Variants in DOCK3 observed in about 807,000 individuals in gnomAD.
DOCK3 encodes the protein dedicator of cytokinesis protein 3.
In DOCK3, 60 loss-of-function variants were observed where a neutral mutation model predicts 265.6. The ratio of observed to expected loss-of-function variants is 0.23; its 90% CI spans 0.18 to 0.28. DOCK3 has a LOEUF of 0.28. DOCK3 is among the 10% of genes least tolerant of loss of function. The pLI, the probability that DOCK3 is intolerant of heterozygous loss-of-function variation, is 1.00. For missense variants in DOCK3, 1,981 were observed against 2,594.3 expected (o/e 0.76, Z 5.14); for synonymous variants, 881 against 938.0 (o/e 0.94, Z 1.11).
chr3:51,266,383 C>A (rs1365087614), intron 23 of DOCK3, among the ~76,000 whole-genome samples: 1 of 152,120 alleles, frequency 6.6e-6, no homozygotes, highest in African/African-American at 2.4e-5. Context: ...CAATCCTAAG[C>A]CAAAGGAACA....
chr3:51,063,449 A>G (rs973031070), intron 5 of DOCK3, among the ~76,000 whole-genome samples: 2 of 152,196 alleles, frequency 1.3e-5, no homozygotes, highest in African/African-American at 4.8e-5. Flanking sequence ...TCAAAACACT[A>G]CCTGATTCTA....
intron 23 of DOCK3, 39 bp from the exon 24 acceptor site, chr3:51,270,776 C>T: frequency 6.3e-7 from 1 of 1,583,816 alleles, no homozygotes; most frequent in South Asian, 1.2e-5. Flanking sequence ...GACACACACC[C>T]TAACTCTGTG....
intron 1 of DOCK3, among the ~76,000 whole-genome samples, chr3:50,713,719 G>A (rs1183984314): frequency 4.0e-5 from 6 of 150,950 alleles, no homozygotes; most frequent in Admixed American, 3.3e-4. Context: ...ACTAGATTTC[G>A]CCATTTGGAT....
intron 26 of DOCK3, among the ~76,000 whole-genome samples, chr3:51,278,824 G>A (rs1327213484): frequency 6.6e-6 from 1 of 152,084 alleles, no homozygotes; most frequent in Non-Finnish European, 1.5e-5. Flanking sequence ...TTTACATAAT[G>A]GACTTTATTC....
At chr3:51,347,074 T>C (rs2085633763) in intron 38 of DOCK3, among the ~76,000 whole-genome samples, 1 of 152,238 alleles carries the variant, frequency 6.6e-6, no homozygotes, top group Admixed American at 6.5e-5. Context: ...AAAAATATTC[T>C]CCCATTCTGT....
intron 1 of DOCK3, among the ~76,000 whole-genome samples, chr3:50,752,737 C>T (rs139444763): frequency 2.3e-4 from 35 of 152,228 alleles, no homozygotes; most frequent in Admixed American, 4.6e-4. Flanking sequence ...GAGATCGCAC[C>T]ACTACACTCC....
intron 2 of DOCK3, among the ~76,000 whole-genome samples, chr3:50,788,868 G>GC (rs556430081): frequency 1.8e-4 from 28 of 152,344 alleles, no homozygotes; most frequent in African/African-American, 5.8e-4. Context: ...GCGCGTGCCC[G>GC]CCCCGTCCCC....
Position 51,216,104 on chromosome 3 carries a change from A to G in DOCK3, c.1252+1857A>G, listed in dbSNP as rs1306269445. Among the ~76,000 whole-genome samples the G allele has an allele frequency of 2.6e-5, 4 of 152,334 alleles. No homozygotes were observed. The South Asian group carries it at 6.2e-4, about 24-fold the overall frequency. Reference sequence around the variant, plus strand: ...GGAGTATATTCCAAGGGATATACTTAAAGTCCTTCCTTTCTCTTGAGAACT... The same window carrying G: ...GGAGTATATTCCAAGGGATATACTTGAAGTCCTTCCTTTCTCTTGAGAACT... On this transcript the variant is annotated intron_variant, in intron 14 of 52. Coordinates refer to ENST00000266037, the MANE Select transcript of DOCK3 (RefSeq NM_004947.5).
intron 48 of DOCK3, 80 bp downstream of exon 48, chr3:51,362,077 G>A: frequency 2.0e-6 from 3 of 1,489,276 alleles, no homozygotes; most frequent in Non-Finnish European, 2.7e-6. Flanking sequence ...CTAGTCTGAG[G>A]GCTTGGCAAC....
rs538446056 is a variant in DOCK3, at chr3:50,719,742, T to C, written c.37+44442T>C. 7.1e-5 allele frequency: 88 copies of C among 1,247,102 alleles called. No individual in the cohort carries two copies. The Middle Eastern group carries it at 1.1e-3, about 16-fold the overall frequency. 77.3% of individuals were successfully genotyped at this position (1,247,102 alleles called of 1,614,324 possible). A position where few individuals can be genotyped will look rare whatever the true frequency, so the allele number is the denominator to read the frequency against. On this transcript the variant is annotated intron_variant, in intron 1 of 52. Coordinates refer to ENST00000266037, the MANE Select transcript of DOCK3 (RefSeq NM_004947.5). ...GTTCTTATCATCAAATTTCTCCCTATAGATGGACTTGCCACCAGTGCCATT... is the reference window on the plus strand; with the variant it reads ...GTTCTTATCATCAAATTTCTCCCTACAGATGGACTTGCCACCAGTGCCATT...
intron 23 of DOCK3, among the ~76,000 whole-genome samples, chr3:51,261,262 G>T (rs2079834043): frequency 6.6e-6 from 1 of 151,928 alleles, no homozygotes; most frequent in African/African-American, 2.4e-5. Flanking sequence ...CACCCATGGA[G>T]GGCAAGCAGA....
chr3:51,058,799 C>T (rs1421820348), intron 5 of DOCK3, among the ~76,000 whole-genome samples: 1 of 145,976 alleles, frequency 6.9e-6, no homozygotes, highest in Non-Finnish European at 1.5e-5. Flanking sequence ...GAAAGAACCT[C>T]CCCTTTGGGC....
intron 7 of DOCK3, among the ~76,000 whole-genome samples, chr3:51,085,852 C>G (rs573623491): frequency 6.6e-6 from 1 of 151,622 alleles, no homozygotes; most frequent in Non-Finnish European, 1.5e-5. Flanking sequence ...CTGAAAAAAA[C>G]AATACAAAGG....
At chr3:51,248,335 GGC>G (rs1359524968) in intron 22 of DOCK3, among the ~76,000 whole-genome samples, 2 of 152,244 alleles carry the variant, frequency 1.3e-5, no homozygotes, top group Non-Finnish European at 2.9e-5. Flanking sequence ...TGCAATTGCA[GGC>G]GCGCGCTGCC....
intron 23 of DOCK3, among the ~76,000 whole-genome samples, chr3:51,262,780 TATCAATAGCCAAACTG>T (rs1198230783): frequency 6.6e-6 from 1 of 152,044 alleles, no homozygotes; most frequent in African/African-American, 2.4e-5. Context: ...CATACAGAAG[TATCAATAGCCAAACTG>T]ATCAAGTGGA....
chr3:51,305,754 GTGTGTGTT>G (rs2082640571), intron 27 of DOCK3, among the ~76,000 whole-genome samples: 1 of 148,534 alleles, frequency 6.7e-6, no homozygotes, highest in African/African-American at 2.5e-5. Flanking sequence ...GTGTGTGTGT[GTGTGTGTT>G]TTTATTATAG....
intron 12 of DOCK3, among the ~76,000 whole-genome samples, chr3:51,202,052 T>G (rs1167151994): frequency 6.6e-6 from 1 of 152,078 alleles, no homozygotes. Flanking sequence ...TAGCATTCAA[T>G]GCCCACAAAA....
At chr3:50,782,576 A>AGTGTGTGTGTGT (rs145578993) in intron 2 of DOCK3, among the ~76,000 whole-genome samples, 1 of 147,212 alleles carries the variant, frequency 6.8e-6, no homozygotes, top group African/African-American at 2.5e-5. Context: ...TTATTTTTTG[A>AGTGTGTGTGTGT]GTGTGTGTGT....
intron 27 of DOCK3, among the ~76,000 whole-genome samples, chr3:51,303,791 C>A (rs561402101): frequency 6.6e-6 from 1 of 152,340 alleles, no homozygotes; most frequent in East Asian, 1.9e-4. Context: ...GCTTCTTCCT[C>A]TGAGATCTCT....
Sources: allele counts gnomAD v4.1 joint callset (sites outside exome capture counted in the v4.1 genomes callset), GRCh38; gene constraint gnomAD v4.1.1; transcripts MANE v1.5; gene names NCBI Gene and HGNC (gene_info 2026-07-23, HGNC 2026-07-21).